The following ATG10 variants were observed in gnomAD, a reference collection of about 807,000 sequenced individuals.
The protein encoded by ATG10 is ubiquitin-like-conjugating enzyme ATG10.
In ATG10, 30 loss-of-function variants were observed where a neutral mutation model predicts 32.1. The ratio of observed to expected loss-of-function variants is 0.94; its 90% CI spans 0.70 to 1.27. ATG10 has a LOEUF of 1.27. Ranked by LOEUF, ATG10 falls within the 50% of genes most tolerant of loss-of-function variation. The pLI is 0.00. For missense variants in ATG10, 233 were observed against 262.3 expected (o/e 0.89, Z 0.77); for synonymous variants, 87 against 91.5 (o/e 0.95, Z 0.28).
intron 2 of ATG10, among the ~76,000 whole-genome samples, chr5:82,031,196 A>G (rs1762733238): frequency 6.6e-6 from 1 of 152,196 alleles, no homozygotes; most frequent in Non-Finnish European, 1.5e-5. Context: ...GACTCCAGAA[A>G]TCATATCAAA....
chr5:82,204,516 G>A (rs1024573685), intron 5 of ATG10, among the ~76,000 whole-genome samples: 11 of 152,114 alleles, frequency 7.2e-5, no homozygotes, highest in African/African-American at 2.7e-4. Context: ...AATTTAATGA[G>A]AAAACAAATT....
At chr5:82,231,236 A>G (rs1257114344) in intron 5 of ATG10, among the ~76,000 whole-genome samples, 2 of 152,224 alleles carry the variant, frequency 1.3e-5, no homozygotes, top group Admixed American at 1.3e-4. Flanking sequence ...AAACTATTAA[A>G]AACACAATTC....
At chr5:82,002,311 A>C (rs1761872978) in intron 2 of ATG10, among the ~76,000 whole-genome samples, 1 of 152,220 alleles carries the variant, frequency 6.6e-6, no homozygotes. Flanking sequence ...TTCCAAAGGA[A>C]TATAAATCAT....
chr5:82,061,015 C>CT (rs1242652331), intron 3 of ATG10, among the ~76,000 whole-genome samples: 1 of 152,180 alleles, frequency 6.6e-6, no homozygotes. Flanking sequence ...ACCTATAACT[C>CT]TTTTCTCTCA....
intron 5 of ATG10, among the ~76,000 whole-genome samples, chr5:82,198,930 C>G (rs1465853225): frequency 6.6e-6 from 1 of 152,198 alleles, no homozygotes; most frequent in East Asian, 1.9e-4. Flanking sequence ...GTACAACATT[C>G]AGCTTTCACA....
At chr5:82,138,141 G>A (rs1328352940) in intron 3 of ATG10, among the ~76,000 whole-genome samples, 4 of 152,208 alleles carry the variant, frequency 2.6e-5, no homozygotes, top group African/African-American at 9.6e-5. Flanking sequence ...TTTCAAGCCA[G>A]TGGATCTTAG....
chr5:82,067,581 G>C (rs981442420), intron 3 of ATG10, among the ~76,000 whole-genome samples: 1 of 152,122 alleles, frequency 6.6e-6, no homozygotes, highest in Non-Finnish European at 1.5e-5. Context: ...CTTGGTACCT[G>C]AGTAATAGCA....
At chr5:81,983,588 G>C (rs1424797856) in intron 1 of ATG10, among the ~76,000 whole-genome samples, 5 of 148,762 alleles carry the variant, frequency 3.4e-5, no homozygotes, top group Non-Finnish European at 6.0e-5. Context: ...AGGGGCGGCC[G>C]GGCAGAGGCG....
At chr5:82,058,391 G>A in intron 2 of ATG10, 104 bp from the exon 3 acceptor site, 1 of 799,830 alleles carries the variant, frequency 1.3e-6, no homozygotes, top group South Asian at 1.7e-5. Context: ...AGTACATTTA[G>A]TTTTTCACTG....
At chr5:81,992,221 C>T (rs1761485193) in intron 2 of ATG10, 1 of 152,190 alleles carries the variant, frequency 6.6e-6, no homozygotes, top group Non-Finnish European at 1.5e-5. Flanking sequence ...AACTCCTGGG[C>T]TCAAGCTGTC....
intron 2 of ATG10, among the ~76,000 whole-genome samples, chr5:82,037,233 A>C (rs13183163): frequency 7.4e-5 from 4 of 53,722 alleles, no homozygotes; most frequent in African/African-American, 1.2e-4. Context: ...GATCTCATTT[A>C]CTTTTTTTTT....
At chr5:82,061,567 A>T (rs941869371) in intron 3 of ATG10, among the ~76,000 whole-genome samples, 1 of 151,794 alleles carries the variant, frequency 6.6e-6, no homozygotes. Context: ...AATTACCCAT[A>T]GAACTAGCTC....
chr5:82,209,538 T>G (rs1745420391), intron 5 of ATG10, among the ~76,000 whole-genome samples: 1 of 152,208 alleles, frequency 6.6e-6, no homozygotes, highest in South Asian at 2.1e-4. Context: ...TGTTGGTACC[T>G]TGATCTTGGA....
intron 3 of ATG10, among the ~76,000 whole-genome samples, chr5:82,135,749 GC>G (rs1327747538): frequency 6.6e-6 from 1 of 152,192 alleles, no homozygotes; most frequent in Non-Finnish European, 1.5e-5. Context: ...TTGGTCCAGA[GC>G]CGAGTTCAAG....
chr5:82,106,209 A>G (rs929475800), intron 3 of ATG10, among the ~76,000 whole-genome samples: 14 of 152,180 alleles, frequency 9.2e-5, no homozygotes, highest in African/African-American at 3.4e-4. Flanking sequence ...TAAGAAAAAG[A>G]GCTATTTTTA....
chr5:82,070,922 C>T (rs1228194484), intron 3 of ATG10, among the ~76,000 whole-genome samples: 1 of 152,144 alleles, frequency 6.6e-6, no homozygotes, highest in Non-Finnish European at 1.5e-5. Flanking sequence ...CTTACAATCA[C>T]CACATCTAAT....
intron 3 of ATG10, among the ~76,000 whole-genome samples, chr5:82,152,369 C>A (rs1334201853): frequency 6.6e-6 from 1 of 152,210 alleles, no homozygotes; most frequent in African/African-American, 2.4e-5. Context: ...GACTGGCTGG[C>A]TGCTCAGCAG....
At chr5:82,058,978 T>C (rs190556290) in intron 3 of ATG10, among the ~76,000 whole-genome samples, 1 of 152,318 alleles carries the variant, frequency 6.6e-6, no homozygotes, top group African/African-American at 2.4e-5. Context: ...CTGTTGTCTA[T>C]TGATTTTTTT....
Position 82,035,734 on chromosome 5 carries a change from CAT to C in ATG10, c.109-22756_109-22755del, listed in dbSNP as rs376401011. ...TTTAAATATTGATTTGTAAAAATAA[CAT>C]ATATGATTATATATTATATAATAAT... On this transcript the variant is annotated intron_variant, in intron 2 of 7. Transcript: ENST00000282185. 1.6e-3 allele frequency among the ~76,000 whole-genome samples: 240 copies of C among 147,856 alleles called. 1 individual carries two copies. Among genetic ancestry groups the C allele is most frequent in the African/African-American group, 4.9e-3 (198 of 40,748 alleles).
Sources: allele counts gnomAD v4.1 joint callset (sites outside exome capture counted in the v4.1 genomes callset), GRCh38; gene constraint gnomAD v4.1.1; transcripts MANE v1.5; gene names NCBI Gene and HGNC (gene_info 2026-07-23, HGNC 2026-07-21).